GPHN: variants seen among roughly 807,000 people sequenced by gnomAD.
GPHN encodes the protein gephyrin.
A neutral mutation model predicts 95.5 loss-of-function variants in GPHN; 17 were observed. The ratio of observed to expected loss-of-function variants is 0.18; its 90% confidence interval spans 0.12 to 0.27. The LOEUF (loss-of-function observed/expected upper bound fraction) is 0.27, where lower values mean the gene tolerates loss of function less well. GPHN is among the 10% of genes least tolerant of loss of function. GPHN has a pLI of 1.00. For synonymous variants in GPHN, 320 were observed against 322.5 expected, an observed-to-expected ratio of 0.99 and a Z score of 0.08; for missense variants, 660 against 978.1, an observed-to-expected ratio of 0.67 and a Z score of 4.34.
chr14:67,237,015 G>A, the GPHN span, among the ~76,000 whole-genome samples: 8 of 151,936 alleles, frequency 5.3e-5, no homozygotes, highest in African/African-American at 1.7e-4. Context: ...GCTTGAACCC[G>A]GGAGGCGGAG....
intron 1 of GPHN, among the ~76,000 whole-genome samples, chr14:66,676,672 A>ATTTTTTTTTTT (rs56906168): frequency 1.6e-5 from 2 of 126,078 alleles, no homozygotes; most frequent in Non-Finnish European, 1.7e-5. Context: ...ATCGTAGTGT[A>ATTTTTTTTTTT]TTTTTTTTTT....
chr14:67,348,607 C>T, the GPHN span, among the ~76,000 whole-genome samples: 3 of 151,816 alleles, frequency 2.0e-5, no homozygotes, highest in African/African-American at 7.3e-5. Flanking sequence ...CTGGAACCTC[C>T]GCTTCCCGGG....
the GPHN span, chr14:67,225,076 C>T: frequency 6.6e-7 from 1 of 1,505,592 alleles, no homozygotes; most frequent in African/African-American, 1.4e-5. Context: ...CTCTATTGAT[C>T]TCTCCTTTAC....
intron 2 of GPHN, among the ~76,000 whole-genome samples, chr14:66,772,490 C>T (rs1346472808): frequency 6.6e-6 from 1 of 152,122 alleles, no homozygotes; most frequent in Non-Finnish European, 1.5e-5. Context: ...TTTGGTTGAG[C>T]CCAATATAAT....
intron 3 of GPHN, among the ~76,000 whole-genome samples, chr14:66,820,447 G>A (rs2061146186): frequency 6.6e-6 from 1 of 152,094 alleles, no homozygotes; most frequent in African/African-American, 2.4e-5. Flanking sequence ...TCCTAGATAA[G>A]GGTTTAGCTC....
At chr14:66,978,574 C>T (rs1460508292) in intron 9 of GPHN, among the ~76,000 whole-genome samples, 2 of 152,156 alleles carry the variant, frequency 1.3e-5, no homozygotes, top group Non-Finnish European at 2.9e-5. Flanking sequence ...GTCGCAACTT[C>T]AGGCTCCCCT....
intron 3 of GPHN, among the ~76,000 whole-genome samples, chr14:66,808,152 A>C (rs915829549): frequency 1.3e-5 from 2 of 152,158 alleles, no homozygotes; most frequent in Non-Finnish European, 2.9e-5. Flanking sequence ...ACATCTTTTC[A>C]TGTCTTTATT....
the GPHN span, among the ~76,000 whole-genome samples, chr14:67,698,318 T>A: frequency 1.3e-5 from 2 of 152,212 alleles, no homozygotes; most frequent in African/African-American, 4.8e-5. Flanking sequence ...ACTAAAAAAT[T>A]AGCTAGGCAT....
the GPHN span, among the ~76,000 whole-genome samples, chr14:67,356,544 G>A: frequency 1.3e-5 from 2 of 151,916 alleles, no homozygotes; most frequent in African/African-American, 2.4e-5. Context: ...TAGCTGAAAG[G>A]GACTTTAGAC....
At chr14:67,320,378 C>G in the GPHN span, 1 of 1,607,150 alleles carries the variant, frequency 6.2e-7, no homozygotes, top group Non-Finnish European at 8.5e-7. Context: ...AAAAGGACCG[C>G]TTTGCATCTG....
At chr14:66,616,154 G>A (rs867565952) in intron 1 of GPHN, among the ~76,000 whole-genome samples, 7 of 151,176 alleles carry the variant, frequency 4.6e-5, no homozygotes, top group South Asian at 2.1e-4. Flanking sequence ...CTCCAGCTTT[G>A]TTCTTTTTGC....
intron 10 of GPHN, among the ~76,000 whole-genome samples, chr14:67,053,798 C>T (rs893754468): frequency 2.0e-5 from 3 of 152,186 alleles, no homozygotes; most frequent in Non-Finnish European, 4.4e-5. Context: ...AGATACAAGG[C>T]TGGTTCAACA....
chr14:67,005,708 C>G (rs1322244307), intron 9 of GPHN, among the ~76,000 whole-genome samples: 1 of 151,766 alleles, frequency 6.6e-6, no homozygotes, highest in African/African-American at 2.4e-5. Context: ...TCACCTACAC[C>G]CTTTGAATAT....
chr14:66,525,368 G>C (rs2058649122), intron 1 of GPHN, among the ~76,000 whole-genome samples: 1 of 152,128 alleles, frequency 6.6e-6, no homozygotes. Flanking sequence ...ATTTGTTTAA[G>C]TTCTTTGTAG....
At chr14:66,811,558 AAAG>A (rs200944238) in intron 3 of GPHN, among the ~76,000 whole-genome samples, 23,058 of 135,974 alleles carry the variant, frequency 0.17, 3,160 homozygotes, top group African/African-American at 0.46. Flanking sequence ...AAAAAAAAAA[AAAG>A]AAACAAAATA....
the GPHN span, chr14:67,559,651 C>T: frequency 1.9e-6 from 3 of 1,606,604 alleles, no homozygotes; most frequent in Non-Finnish European, 2.5e-6. Context: ...CAAGAAAAAG[C>T]TGCAAAGATC....
chr14:66,730,807 A>G (rs2153433649), intron 2 of GPHN, among the ~76,000 whole-genome samples: 1 of 152,368 alleles, frequency 6.6e-6, no homozygotes, highest in South Asian at 2.1e-4. Context: ...CAGTAAATAT[A>G]TATGTGGAAT....
At chr14:67,417,558 A>G in the GPHN span, among the ~76,000 whole-genome samples, 1 of 151,740 alleles carries the variant, frequency 6.6e-6, no homozygotes, top group Admixed American at 6.6e-5. Flanking sequence ...CAGCCTCCTG[A>G]GTAGCTGAGA....
At chr14:66,736,342 A>ACT (rs1284984171) in intron 2 of GPHN, among the ~76,000 whole-genome samples, 3 of 151,758 alleles carry the variant, frequency 2.0e-5, no homozygotes, top group Non-Finnish European at 4.4e-5. Flanking sequence ...GAAGTTAAGT[A>ACT]CTACCGAGTT....
Sources: allele counts gnomAD v4.1 joint callset (sites outside exome capture counted in the v4.1 genomes callset), GRCh38; gene constraint gnomAD v4.1.1; transcripts MANE v1.5; gene names NCBI Gene and HGNC (gene_info 2026-07-23, HGNC 2026-07-21).